SPPL3: variants seen among roughly 807,000 people sequenced by gnomAD.
The protein encoded by SPPL3 is signal peptide peptidase like 3.
Under a neutral mutation model 42.4 loss-of-function variants are expected in SPPL3, and 5 were observed. That is an observed-to-expected ratio of 0.12 (90% CI 0.06 to 0.25). The LOEUF (loss-of-function observed/expected upper bound fraction) is 0.25, where lower values mean the gene tolerates loss of function less well. SPPL3 is among the 10% of genes least tolerant of loss of function. The pLI, the probability that SPPL3 is intolerant of heterozygous loss-of-function variation, is 1.00. For synonymous variants in SPPL3, 195 were observed against 181.8 expected, an observed-to-expected ratio of 1.07 and a Z score of -0.58; for missense variants, 235 against 489.0, an observed-to-expected ratio of 0.48 and a Z score of 4.90.
At chr12:120,829,549 T>C (rs568443455) in intron 1 of SPPL3, among the ~76,000 whole-genome samples, 11 of 151,914 alleles carry the variant, frequency 7.2e-5, no homozygotes, top group Non-Finnish European at 1.3e-4. Context: ...TGAGCTGAGA[T>C]TGCACCACTG....
chr12:120,819,380 A>G (rs1434048972), intron 1 of SPPL3, among the ~76,000 whole-genome samples: 1 of 152,146 alleles, frequency 6.6e-6, no homozygotes, highest in Non-Finnish European at 1.5e-5. Flanking sequence ...GTCTCTTTTC[A>G]TTATACAATA....
At chr12:120,832,155 T>G (rs1033549869) in intron 1 of SPPL3, among the ~76,000 whole-genome samples, 1 of 152,210 alleles carries the variant, frequency 6.6e-6, no homozygotes, top group African/African-American at 2.4e-5. Context: ...GCTCATTTAA[T>G]ACTCAAAATA....
intron 3 of SPPL3, among the ~76,000 whole-genome samples, chr12:120,785,256 A>C (rs754361961): frequency 7.8e-5 from 6 of 77,136 alleles, no homozygotes; most frequent in Admixed American, 1.1e-4. Flanking sequence ...TAATATTTAC[A>C]AAAAAAAAAA....
intron 1 of SPPL3, among the ~76,000 whole-genome samples, chr12:120,853,332 G>A (rs1327516361): frequency 6.6e-6 from 1 of 152,150 alleles, no homozygotes; most frequent in Non-Finnish European, 1.5e-5. Context: ...TCTACAAGCA[G>A]AGAATTCCTG....
chr12:120,786,938 G>T (rs1425907806), intron 3 of SPPL3, among the ~76,000 whole-genome samples: 1 of 152,072 alleles, frequency 6.6e-6, no homozygotes, highest in Admixed American at 6.6e-5. Context: ...TATCTTTAAG[G>T]CAAAAATCAA....
In SPPL3 at chr12:120,791,605, A is replaced by G. The variant is rs570802422; in HGVS notation, c.102-48T>C. The G allele has an allele frequency of 4.1e-4, 502 of 1,238,250 alleles. 3 individuals carry two copies. The African/African-American group carries it at 7.0e-3, about 17-fold the overall frequency. The allele number at this position is 1,238,250 out of a possible 1,614,324, so 76.7% of individuals were successfully genotyped here. On this transcript the variant is annotated intron_variant, in intron 2 of 10. Coordinates refer to ENST00000353487, the MANE Select transcript of SPPL3 (RefSeq NM_139015.5). ...TAAGTTGTAGTTTTGCTTACAAAAG[A>G]AGGTCAGAAAAGTCATATGACAATA...
intron 1 of SPPL3, among the ~76,000 whole-genome samples, chr12:120,892,783 C>A (rs1223377912): frequency 6.6e-6 from 1 of 151,812 alleles, no homozygotes; most frequent in Non-Finnish European, 1.5e-5. Flanking sequence ...GAGATCGAGA[C>A]CATCCTGGCT....
chr12:120,768,126 A>G (rs1375555300), intron 8 of SPPL3, among the ~76,000 whole-genome samples, 199 bp downstream of exon 8: 1 of 152,226 alleles, frequency 6.6e-6, no homozygotes, highest in East Asian at 1.9e-4. Flanking sequence ...GACATTAATC[A>G]ATAATAAAAG....
intron 1 of SPPL3, among the ~76,000 whole-genome samples, chr12:120,824,020 GCCA>G (rs1218302918): frequency 6.6e-6 from 1 of 151,816 alleles, no homozygotes; most frequent in East Asian, 1.9e-4. Flanking sequence ...ACAGGCGCCC[GCCA>G]CCAAGCCCAG....
Position 120,866,662 on chromosome 12 carries a change from A to G in SPPL3, c.23+37183T>C, listed in dbSNP as rs186910746. Among the ~76,000 whole-genome samples the G allele has an allele frequency of 4.9e-4, 75 of 152,354 alleles. 1 individual carries two copies. Among genetic ancestry groups the G allele is most frequent in the Admixed American group, 3.5e-3 (53 of 15,292 alleles). ...GTAAAATAATAGCATACATTTCTCA[A>G]AACAGTTACATACCACTTTCCTTTT... is the stretch of plus-strand genomic sequence containing the variant. On this transcript the variant is annotated intron_variant, in intron 1 of 10. Coordinates refer to ENST00000353487, the MANE Select transcript of SPPL3 (RefSeq NM_139015.5).
intron 6 of SPPL3, among the ~76,000 whole-genome samples, chr12:120,774,318 C>T (rs956531208): frequency 6.6e-6 from 1 of 152,200 alleles, no homozygotes; most frequent in Non-Finnish European, 1.5e-5. Context: ...CACTGTCAAA[C>T]ATCTGTTCAC....
At chr12:120,832,783 A>G (rs1871470407) in intron 1 of SPPL3, among the ~76,000 whole-genome samples, 1 of 152,184 alleles carries the variant, frequency 6.6e-6, no homozygotes, top group Admixed American at 6.5e-5. Flanking sequence ...AGCTCACCAT[A>G]CCATATAGGA....
intron 2 of SPPL3, among the ~76,000 whole-genome samples, chr12:120,800,023 T>C (rs1002118436): frequency 6.6e-6 from 1 of 152,232 alleles, no homozygotes; most frequent in African/African-American, 2.4e-5. Context: ...GACATCAGAT[T>C]GCTAGGTTGG....
intron 1 of SPPL3, among the ~76,000 whole-genome samples, chr12:120,831,241 T>C (rs1425034449): frequency 6.6e-6 from 1 of 152,136 alleles, no homozygotes; most frequent in Non-Finnish European, 1.5e-5. Flanking sequence ...CCTGGTTCTT[T>C]AGCTTGCAGA....
At chr12:120,778,111 A>ATTTCT (rs1869394772) in intron 6 of SPPL3, among the ~76,000 whole-genome samples, 1 of 90,942 alleles carries the variant, frequency 1.1e-5, no homozygotes, top group Non-Finnish European at 2.0e-5. Context: ...CTGAAAAGCA[A>ATTTCT]TTTTTTTTTT....
intron 2 of SPPL3, among the ~76,000 whole-genome samples, chr12:120,796,258 C>T (rs1424269049): frequency 6.6e-6 from 1 of 152,112 alleles, no homozygotes; most frequent in Non-Finnish European, 1.5e-5. Flanking sequence ...AACCTATAGT[C>T]CCAGCTACTT....
At position 120,903,860 on chromosome 12, in the gene SPPL3, TCCG is replaced by T; in HGVS notation, c.5_7del (p.Ala2del). 2 of 1,457,186 alleles carry T rather than the reference TCCG, an allele frequency of 1.4e-6. No individual in the cohort carries two copies. The highest frequency in any genetic ancestry group is 1.8e-6 in the Non-Finnish European group (2 of 1,108,472). The allele number at this position is 1,457,186 out of a possible 1,614,324, so 90.3% of individuals were successfully genotyped here. A position where few individuals can be genotyped will look rare whatever the true frequency, so the allele number is the denominator to read the frequency against. The stretch of plus-strand genomic sequence containing the variant: ...CCGCACTCACCACGAGTAGGTCTGC[TCCG>T]CCATGGCGCTGCCTCTCGTGGGCTC... On this transcript the variant is annotated inframe_deletion, in exon 1 of 11. Transcript: ENST00000353487.
intron 3 of SPPL3, among the ~76,000 whole-genome samples, chr12:120,785,032 T>C (rs1869670134): frequency 6.6e-6 from 1 of 152,228 alleles, no homozygotes; most frequent in African/African-American, 2.4e-5. Flanking sequence ...TTTCTCGTTG[T>C]TGCTAATAGT....
intron 1 of SPPL3, among the ~76,000 whole-genome samples, chr12:120,857,342 G>C (rs1025551789): frequency 6.6e-6 from 1 of 152,228 alleles, no homozygotes; most frequent in Non-Finnish European, 1.5e-5. Context: ...TGGCGAGGCT[G>C]TGGAGAAACA....
Sources: gnomAD v4.1 joint callset for allele counts (sites outside exome capture counted in the v4.1 genomes callset) on GRCh38, gnomAD v4.1.1 for gene constraint, MANE v1.5 for transcripts, NCBI Gene and HGNC (gene_info 2026-07-23, HGNC 2026-07-21) for gene names.